IGSF11: variants seen among roughly 807,000 people sequenced by gnomAD.
IGSF11 encodes CXADR like 1.
IGSF11 carries 22 observed loss-of-function variants against 41.0 expected under a neutral mutation model. The ratio of observed to expected loss-of-function variants is 0.54; its 90% CI spans 0.38 to 0.77. IGSF11 has a LOEUF of 0.77. Ranked by LOEUF, IGSF11 falls within the 30% of genes least tolerant of loss-of-function variation. The pLI, the probability that IGSF11 is intolerant of heterozygous loss-of-function variation, is 0.00. For missense variants in IGSF11, 444 were observed against 530.8 expected (o/e 0.84, Z 1.61); for synonymous variants, 219 against 201.3 (o/e 1.09, Z -0.74).
chr3:119,030,376 G>C (rs571985415), intron 1 of IGSF11, among the ~76,000 whole-genome samples: 1 of 151,998 alleles, frequency 6.6e-6, no homozygotes, highest in Non-Finnish European at 1.5e-5. Context: ...ATGATGATGC[G>C]GTAGATCATT....
At chr3:118,916,059 G>C (rs896014615) in intron 4 of IGSF11, among the ~76,000 whole-genome samples, 6 of 149,326 alleles carry the variant, frequency 4.0e-5, no homozygotes, top group Non-Finnish European at 5.9e-5. Context: ...CAAATGCTGA[G>C]AGATTTTGTC....
At chr3:119,033,158 T>C (rs1322598150) in intron 1 of IGSF11, among the ~76,000 whole-genome samples, 3 of 152,190 alleles carry the variant, frequency 2.0e-5, no homozygotes, top group Non-Finnish European at 4.4e-5. Context: ...CAAATGCTAT[T>C]TACAAAAAGA....
intron 1 of IGSF11, among the ~76,000 whole-genome samples, chr3:119,003,895 A>G (rs6798279): frequency 0.37 from 52,058 of 140,544 alleles, 12,419 homozygotes; most frequent in African/African-American, 0.67. Flanking sequence ...TTGCATCGAT[A>G]TTCATCAAGG....
At chr3:119,021,710 G>A (rs1939307039) in intron 1 of IGSF11, among the ~76,000 whole-genome samples, 1 of 152,114 alleles carries the variant, frequency 6.6e-6, no homozygotes, top group Non-Finnish European at 1.5e-5. Flanking sequence ...GTTGAAATAT[G>A]AAAGGTAAAA....
chr3:118,950,964 G>A (rs1944528350), intron 1 of IGSF11, among the ~76,000 whole-genome samples: 1 of 152,140 alleles, frequency 6.6e-6, no homozygotes, highest in African/African-American at 2.4e-5. Flanking sequence ...CTGGCTTGGT[G>A]ATTTCTCACC....
chr3:118,973,170 A>T (rs1320953802), intron 1 of IGSF11, among the ~76,000 whole-genome samples: 1 of 152,166 alleles, frequency 6.6e-6, no homozygotes, highest in Non-Finnish European at 1.5e-5. Context: ...AGCTTGTCAT[A>T]TGTATACAGA....
At chr3:118,977,683 C>T (rs985071825) in intron 1 of IGSF11, among the ~76,000 whole-genome samples, 1 of 152,152 alleles carries the variant, frequency 6.6e-6, no homozygotes, top group African/African-American at 2.4e-5. Context: ...GGTCCACATT[C>T]CCATCATGGA....
intron 1 of IGSF11, among the ~76,000 whole-genome samples, chr3:119,115,155 T>A (rs1267226327): frequency 2.0e-5 from 3 of 152,150 alleles, no homozygotes; most frequent in Non-Finnish European, 4.4e-5. Flanking sequence ...CCAAACCATA[T>A]CCCTCAGGTT....
chr3:118,947,289 A>G (rs922849008), intron 1 of IGSF11: 4 of 152,208 alleles, frequency 2.6e-5, no homozygotes, highest in Non-Finnish European at 4.4e-5. Context: ...CAAACATAGA[A>G]GCATCCAACA....
chr3:119,004,763 T>C (rs1206972153), intron 1 of IGSF11, among the ~76,000 whole-genome samples: 1 of 150,502 alleles, frequency 6.6e-6, no homozygotes, highest in Non-Finnish European at 1.5e-5. Flanking sequence ...TTCCATGTAG[T>C]TGAGCGGCTT....
intron 1 of IGSF11, among the ~76,000 whole-genome samples, chr3:119,000,737 T>C (rs548662715): frequency 3.5e-4 from 54 of 152,324 alleles, no homozygotes; most frequent in African/African-American, 1.1e-3. Flanking sequence ...GCATTAACAA[T>C]TGCATTGAAA....
At chr3:119,145,642 A>C (rs970321349) in intron 1 of IGSF11, among the ~76,000 whole-genome samples, 1 of 152,212 alleles carries the variant, frequency 6.6e-6, no homozygotes, top group Non-Finnish European at 1.5e-5. Flanking sequence ...TGTCTAATCC[A>C]GCAAGAAAAC....
chr3:118,953,907 T>G (rs1401303103), intron 1 of IGSF11, among the ~76,000 whole-genome samples: 2 of 152,196 alleles, frequency 1.3e-5, no homozygotes, highest in Non-Finnish European at 2.9e-5. Flanking sequence ...TTAGTTTAAT[T>G]AAGTCCCATC....
chr3:119,085,413 G>A (rs572613375), intron 1 of IGSF11, among the ~76,000 whole-genome samples: 2 of 152,302 alleles, frequency 1.3e-5, no homozygotes, highest in East Asian at 3.9e-4. Flanking sequence ...TTACACCACA[G>A]TTAAGAAATA....
Position 118,902,475 on chromosome 3 carries a change from G to A in IGSF11, c.*45C>T. 1.9e-6 allele frequency: 1 copy of A among 523,286 alleles called. No individual in the cohort carries two copies. The highest frequency in any genetic ancestry group is 3.6e-6 in the Non-Finnish European group (1 of 274,168). The allele number at this position is 523,286 out of a possible 1,614,324, so 32.4% of individuals were successfully genotyped here. A position where few individuals can be genotyped will look rare whatever the true frequency, so the allele number is the denominator to read the frequency against. Reference sequence around the variant, plus strand: ...CCACCCCACCCTCCCCCTTGTATGAGGGCATTCCATTTATTCATTTCTGAA... The same window carrying A: ...CCACCCCACCCTCCCCCTTGTATGAAGGCATTCCATTTATTCATTTCTGAA... On this transcript the variant is annotated 3_prime_UTR_variant, in exon 7 of 7. Coordinates refer to ENST00000393775, the MANE Select transcript of IGSF11 (RefSeq NM_001015887.3).
chr3:119,134,060 C>T (rs1223033899), intron 1 of IGSF11, among the ~76,000 whole-genome samples: 4 of 152,098 alleles, frequency 2.6e-5, no homozygotes, highest in African/African-American at 7.2e-5. Context: ...TGATGGAACA[C>T]ATCTCAAAAT....
intron 1 of IGSF11, among the ~76,000 whole-genome samples, chr3:119,141,033 CTG>C (rs1251728024): frequency 9.5e-6 from 1 of 105,314 alleles, no homozygotes; most frequent in African/African-American, 3.7e-5. Flanking sequence ...ACAGGAGACT[CTG>C]TCTCATTAAA....
intron 1 of IGSF11, 130 bp from the exon 2 acceptor site, chr3:118,930,405 TAA>T: frequency 1.1e-5 from 9 of 814,026 alleles, no homozygotes; most frequent in Non-Finnish European, 1.6e-5. Flanking sequence ...ATGATAGTCT[TAA>T]CAACTGCTGA....
At chr3:119,041,875 G>A (rs12636639) in intron 1 of IGSF11, among the ~76,000 whole-genome samples, 26,508 of 151,906 alleles carry the variant, frequency 0.17, 2,811 homozygotes, top group South Asian at 0.29. Flanking sequence ...TTCAGAAAAC[G>A]AAAACAAACC....
Sources: allele counts gnomAD v4.1 joint callset (sites outside exome capture counted in the v4.1 genomes callset), GRCh38; gene constraint gnomAD v4.1.1; transcripts MANE v1.5; gene names NCBI Gene and HGNC (gene_info 2026-07-23, HGNC 2026-07-21).